EMP2: variants seen among roughly 807,000 people sequenced by gnomAD.
The protein encoded by EMP2 is epithelial membrane protein 2.
In EMP2, 19 loss-of-function variants were observed where a neutral mutation model predicts 13.7. The observed-to-expected ratio is 1.38, with a 90% CI of 0.97 to 2.03. The LOEUF is 2.03. EMP2 is among the 30% of genes most tolerant of loss of function. The pLI is 0.00. For synonymous variants in EMP2, 97 were observed against 84.7 expected (o/e 1.15, Z -0.80); for missense variants, 253 against 220.7 (o/e 1.15, Z -0.93).
At chr16:10,567,555 C>T (rs1402831272) in intron 1 of EMP2, among the ~76,000 whole-genome samples, 1 of 152,172 alleles carries the variant, frequency 6.6e-6, no homozygotes, top group Non-Finnish European at 1.5e-5. Flanking sequence ...GCATTCGTTC[C>T]ACAGCCCAGG....
intron 1 of EMP2, among the ~76,000 whole-genome samples, chr16:10,556,976 G>C (rs2050833411): frequency 6.6e-6 from 1 of 152,178 alleles, no homozygotes; most frequent in Non-Finnish European, 1.5e-5. Flanking sequence ...CAGGCAGGGG[G>C]AATCTGTGAA....
chr16:10,553,480 C>T (rs573188928), intron 1 of EMP2, among the ~76,000 whole-genome samples: 3 of 152,326 alleles, frequency 2.0e-5, no homozygotes, highest in African/African-American at 7.2e-5. Context: ...CAGTGCTTTG[C>T]CCTTCCCGGC....
In EMP2 at chr16:10,531,402, G is replaced by C. The variant is rs531622159; in HGVS notation, c.*1503C>G. The C allele has an allele frequency of 6.6e-6, 1 of 152,186 alleles. No homozygotes were observed. Among genetic ancestry groups the C allele is most frequent in the South Asian group, 2.1e-4 (1 of 4,820 alleles). 9.4% of individuals were successfully genotyped at this position (152,186 alleles called of 1,614,324 possible). A position where few individuals can be genotyped will look rare whatever the true frequency, so the allele number is the denominator to read the frequency against. On this transcript the variant is annotated 3_prime_UTR_variant, in exon 5 of 5. Coordinates refer to ENST00000359543, the MANE Select transcript of EMP2 (RefSeq NM_001424.6). ...GGCTGGAGTGCAGTGGCACGGTCTCGGCTCACTGCAACCTCCACCTCCCAT... is the reference window on the plus strand; with the variant it reads ...GGCTGGAGTGCAGTGGCACGGTCTCCGCTCACTGCAACCTCCACCTCCCAT...
chr16:10,579,416 AAGCAT>A (rs1460958193), intron 1 of EMP2, among the ~76,000 whole-genome samples: 1 of 152,168 alleles, frequency 6.6e-6, no homozygotes, highest in African/African-American at 2.4e-5. Flanking sequence ...AACCGATGAT[AAGCAT>A]ACAACTCAGT....
Position 10,530,565 on chromosome 16 carries a change from TTATCTCC to T in EMP2, c.*2333_*2339del, listed in dbSNP as rs2050591084. The stretch of plus-strand genomic sequence containing the variant: ...AAAAAGACAATGAGGTGCAAAGAGC[TTATCTCC>T]TGGGATGGTTCCTGGGTGGTCTGCA... On this transcript the variant is annotated 3_prime_UTR_variant, in exon 5 of 5. Coordinates refer to ENST00000359543, the MANE Select transcript of EMP2 (RefSeq NM_001424.6). 1.3e-5 allele frequency: 2 copies of T among 152,510 alleles called. No homozygotes were observed. Among genetic ancestry groups the T allele is most frequent in the Non-Finnish European group, 2.9e-5 (2 of 68,046 alleles). 9.4% of individuals were successfully genotyped at this position (152,510 alleles called of 1,614,324 possible).
chr16:10,561,912 G>C (rs1040621619), intron 1 of EMP2, among the ~76,000 whole-genome samples: 1 of 152,196 alleles, frequency 6.6e-6, no homozygotes, highest in South Asian at 2.1e-4. Flanking sequence ...AGAAAAAAAA[G>C]GGTTTATCCA....
At position 10,530,929 on chromosome 16, in the gene EMP2, G is replaced by C. The variant is rs1470716634; in HGVS notation, c.*1976C>G. 6.6e-6 allele frequency: 1 copy of C among 152,114 alleles called. No homozygotes were observed. The highest frequency in any genetic ancestry group is 2.4e-5 in the African/African-American group (1 of 41,416). 9.4% of individuals were successfully genotyped at this position (152,114 alleles called of 1,614,324 possible). A position where few individuals can be genotyped will look rare whatever the true frequency, so the allele number is the denominator to read the frequency against. ...ATGCCTCCAGGAGCATTTAATAATA[G>C]GCACGCGTAAAGCAGCCTCCCTACC... On this transcript the variant is annotated 3_prime_UTR_variant, in exon 5 of 5. Coordinates refer to ENST00000359543, the MANE Select transcript of EMP2 (RefSeq NM_001424.6).
chr16:10,549,715 G>A (rs890069106), intron 1 of EMP2, among the ~76,000 whole-genome samples: 6 of 80,674 alleles, frequency 7.4e-5, no homozygotes, highest in Non-Finnish European at 1.3e-4. Context: ...ATTAATGCAC[G>A]CACACACACA....
At chr16:10,555,131 C>G (rs1434202467) in intron 1 of EMP2, among the ~76,000 whole-genome samples, 1 of 152,144 alleles carries the variant, frequency 6.6e-6, no homozygotes, top group Non-Finnish European at 1.5e-5. Context: ...TGCTCCATCT[C>G]ACAGCAAAGC....
In EMP2 at chr16:10,569,337, T is replaced by C. The variant is rs71381158; in HGVS notation, c.-61+11212A>G. On this transcript the variant is annotated intron_variant, in intron 1 of 4. Coordinates refer to ENST00000359543, the MANE Select transcript of EMP2 (RefSeq NM_001424.6). ...CATTTTTAAAATATTTATTCTGTTT[T>C]GTTTTTTGTTTTTAAAACAGGGTCT... Among the ~76,000 whole-genome samples the C allele has an allele frequency of 7.5e-3, 1,148 of 152,340 alleles. 1 individual carries two copies. The highest frequency in any genetic ancestry group is 0.014 in the Admixed American group (217 of 15,306).
intron 4 of EMP2, among the ~76,000 whole-genome samples, chr16:10,535,053 G>C (rs2050636635): frequency 6.6e-6 from 1 of 152,202 alleles, no homozygotes; most frequent in African/African-American, 2.4e-5. Flanking sequence ...ATCAGTTGCT[G>C]GTGCCTGGAT....
chr16:10,536,796 C>A (rs1290641464), intron 4 of EMP2, among the ~76,000 whole-genome samples: 1 of 151,960 alleles, frequency 6.6e-6, no homozygotes, highest in African/African-American at 2.4e-5. Flanking sequence ...AATTTTTTTT[C>A]TTTTTGTATA....
chr16:10,545,062 C>T (rs1386917989), intron 2 of EMP2: 1 of 152,278 alleles, frequency 6.6e-6, no homozygotes, highest in South Asian at 2.1e-4. Context: ...TAATGAATAC[C>T]CTCAGACTCA....
chr16:10,556,453 T>A (rs946993052), intron 1 of EMP2, among the ~76,000 whole-genome samples: 11 of 152,242 alleles, frequency 7.2e-5, no homozygotes, highest in Middle Eastern at 3.2e-3. Flanking sequence ...CCTCAGCAAC[T>A]GCTGCTGTCA....
intron 1 of EMP2, among the ~76,000 whole-genome samples, chr16:10,566,531 C>T (rs1468478210): frequency 6.6e-6 from 1 of 152,162 alleles, no homozygotes; most frequent in Non-Finnish European, 1.5e-5. Context: ...AATCGCTTTC[C>T]CACCAGTGAT....
chr16:10,573,508 T>A (rs912053098), intron 1 of EMP2, among the ~76,000 whole-genome samples: 3 of 152,202 alleles, frequency 2.0e-5, no homozygotes, highest in Non-Finnish European at 2.9e-5. Context: ...AAACAGTCCC[T>A]AACTGGTCCA....
rs2051016403 is a variant in EMP2 at position 10,580,074 on chromosome 16, C to T, written c.-61+475G>A. On this transcript the variant is annotated intron_variant, in intron 1 of 4. Transcript: ENST00000359543. The surrounding 1 kb of genome is among the most constrained non-coding windows in gnomAD (Gnocchi z 4.3). ...TGACCCCCAAGAAGTCGCTCCTCGCCGCTCGGGGGCGCGACGGAGCAGCGG... is the reference window on the plus strand; with the variant it reads ...TGACCCCCAAGAAGTCGCTCCTCGCTGCTCGGGGGCGCGACGGAGCAGCGG... Among the ~76,000 whole-genome samples, 1 of 152,192 alleles carries T rather than the reference C, an allele frequency of 6.6e-6. No homozygotes were observed. Among genetic ancestry groups the T allele is most frequent in the Non-Finnish European group, 1.5e-5 (1 of 68,032 alleles).
At chr16:10,565,435 T>C (rs2050901017) in intron 1 of EMP2, among the ~76,000 whole-genome samples, 1 of 152,166 alleles carries the variant, frequency 6.6e-6, no homozygotes, top group African/African-American at 2.4e-5. Context: ...TGCCAGCAAA[T>C]GACCTTCAGA....
At chr16:10,548,070 A>G (rs6498080) in intron 1 of EMP2, among the ~76,000 whole-genome samples, 85,664 of 151,896 alleles carry the variant, frequency 0.56, 24,643 homozygotes, top group African/African-American at 0.67. Flanking sequence ...GGGTCTTAGA[A>G]AAGCAAAAAC....
Sources: allele counts gnomAD v4.1 joint callset (sites outside exome capture counted in the v4.1 genomes callset), GRCh38; gene constraint gnomAD v4.1.1; non-coding constraint Gnocchi (gnomAD v3.1); transcripts MANE v1.5; gene names NCBI Gene and HGNC (gene_info 2026-07-23, HGNC 2026-07-21).